ERBB4: variants seen among roughly 807,000 people sequenced by gnomAD.
ERBB4 encodes erb-b2 receptor tyrosine kinase 4.
A neutral mutation model predicts 158.0 loss-of-function variants in ERBB4; 42 were observed. That is an observed-to-expected ratio of 0.27 (90% confidence interval 0.21 to 0.34). ERBB4 has a LOEUF of 0.34. ERBB4 is among the 10% of genes least tolerant of loss of function. The pLI, the probability that ERBB4 is intolerant of heterozygous loss-of-function variation, is 1.00. For synonymous variants in ERBB4, 583 were observed against 558.7 expected, an observed-to-expected ratio of 1.04 and a Z score of -0.61; for missense variants, 1,333 against 1,624.1, an observed-to-expected ratio of 0.82 and a Z score of 3.08.
chr2:211,878,409 T>A (rs910040664), intron 3 of ERBB4, among the ~76,000 whole-genome samples: 1 of 152,164 alleles, frequency 6.6e-6, no homozygotes, highest in Non-Finnish European at 1.5e-5. Context: ...ATAGTATTCA[T>A]TGAAAAAGTA....
intron 5 of ERBB4, among the ~76,000 whole-genome samples, chr2:211,748,150 T>C (rs897832440): frequency 5.9e-5 from 9 of 151,996 alleles, no homozygotes; most frequent in Non-Finnish European, 1.3e-4. Context: ...AAACCAGTGA[T>C]ATGGAGGAAC....
intron 4 of ERBB4, among the ~76,000 whole-genome samples, chr2:211,771,680 G>C (rs578261591): frequency 2.6e-5 from 4 of 152,252 alleles, no homozygotes; most frequent in African/African-American, 9.6e-5. Context: ...TACCCCTAAA[G>C]AGGCTAAAGT....
intron 4 of ERBB4, among the ~76,000 whole-genome samples, chr2:211,768,167 G>A (rs983432832): frequency 6.6e-6 from 1 of 152,182 alleles, no homozygotes; most frequent in Admixed American, 6.5e-5. Context: ...ACTCTGTAAT[G>A]ATCTCCTTTG....
chr2:212,369,529 A>G (rs1167700432), intron 1 of ERBB4, among the ~76,000 whole-genome samples: 1 of 152,018 alleles, frequency 6.6e-6, no homozygotes, highest in Non-Finnish European at 1.5e-5. Context: ...ATCTCTACTT[A>G]TTCTTTCTTT....
chr2:211,648,232 G>A (rs2070851399), intron 16 of ERBB4, among the ~76,000 whole-genome samples: 2 of 151,482 alleles, frequency 1.3e-5, no homozygotes, highest in East Asian at 1.9e-4. Context: ...CTCAGTTTAT[G>A]ACATCATTCT....
rs184833113 is a variant in ERBB4 at position 212,399,401 on chromosome 2, A to C, written c.82+139048T>G. 5.3e-3 allele frequency among the ~76,000 whole-genome samples: 800 copies of C among 151,920 alleles called. 6 individuals are homozygous for C. Among genetic ancestry groups the C allele is most frequent in the Middle Eastern group, 0.024 (7 of 292 alleles). On this transcript the variant is annotated intron_variant, in intron 1 of 27. Coordinates refer to ENST00000342788, the MANE Select transcript of ERBB4 (RefSeq NM_005235.3). ...CAGTCCAACTGATACAAAAGTATTAAGGGGTTATTTACTTTAACATTTGTT... is the reference window on the plus strand; with the variant it reads ...CAGTCCAACTGATACAAAAGTATTACGGGGTTATTTACTTTAACATTTGTT...
At chr2:212,301,505 A>G (rs1407286918) in intron 1 of ERBB4, among the ~76,000 whole-genome samples, 2 of 151,420 alleles carry the variant, frequency 1.3e-5, no homozygotes, top group African/African-American at 4.8e-5. Context: ...GAAATAGTTT[A>G]TTCAATCAAC....
At chr2:212,532,126 AATACTTCT>A (rs1385720460) in intron 1 of ERBB4, among the ~76,000 whole-genome samples, 1 of 152,210 alleles carries the variant, frequency 6.6e-6, no homozygotes, top group African/African-American at 2.4e-5. Context: ...TGGTTTTTCA[AATACTTCT>A]ATGTGTGCTA....
At chr2:212,083,104 C>A (rs886831438) in intron 2 of ERBB4, among the ~76,000 whole-genome samples, 2 of 151,814 alleles carry the variant, frequency 1.3e-5, no homozygotes, top group Non-Finnish European at 2.9e-5. Flanking sequence ...TAAGAAAAGG[C>A]CCATGAATAA....
intron 12 of ERBB4, among the ~76,000 whole-genome samples, chr2:211,683,306 T>C (rs2072430761): frequency 6.6e-6 from 1 of 152,174 alleles, no homozygotes. Context: ...TGTACTTGTA[T>C]CTTCACACTG....
intron 20 of ERBB4, among the ~76,000 whole-genome samples, chr2:211,455,497 T>A (rs1039637981): frequency 1.3e-5 from 2 of 152,100 alleles, no homozygotes; most frequent in African/African-American, 4.8e-5. Flanking sequence ...CCTTCACCAT[T>A]AGAACAAGGG....
Position 212,123,620 on chromosome 2 carries a change from C to G in ERBB4, c.234+1132G>C, listed in dbSNP as rs565870854. 3.4e-4 allele frequency among the ~76,000 whole-genome samples: 51 copies of G among 152,226 alleles called. 1 individual carries two copies. In the South Asian group the frequency reaches 0.011, roughly 32 times the overall value. On this transcript the variant is annotated intron_variant, in intron 2 of 27. Transcript: ENST00000342788. Reference sequence around the variant, plus strand: ...AAATACCTTCAGTTCATTTGCTTTACTAGTCCAACTATGAGAGTCGTTTTA... The same window carrying G: ...AAATACCTTCAGTTCATTTGCTTTAGTAGTCCAACTATGAGAGTCGTTTTA...
intron 1 of ERBB4, among the ~76,000 whole-genome samples, chr2:212,466,724 C>G (rs569088422): frequency 6.6e-6 from 1 of 152,202 alleles, no homozygotes; most frequent in Admixed American, 6.5e-5. Context: ...TACATTGGTA[C>G]CAGTAGAGTG....
chr2:211,923,115 A>T (rs1160141968), intron 3 of ERBB4, among the ~76,000 whole-genome samples: 1 of 152,160 alleles, frequency 6.6e-6, no homozygotes, highest in Non-Finnish European at 1.5e-5. Context: ...CTGATATAAT[A>T]CTGGGGAACT....
chr2:212,266,886 A>G (rs1231243124), intron 1 of ERBB4, among the ~76,000 whole-genome samples: 6 of 152,078 alleles, frequency 3.9e-5, no homozygotes, highest in Non-Finnish European at 5.9e-5. Flanking sequence ...TCCACATAGT[A>G]TCAGACATTA....
chr2:212,393,757 C>CA (rs2090946574), intron 1 of ERBB4, among the ~76,000 whole-genome samples: 1 of 152,054 alleles, frequency 6.6e-6, no homozygotes, highest in Non-Finnish European at 1.5e-5. Flanking sequence ...GTTGCTGTGG[C>CA]AGATTCTGTT....
intron 2 of ERBB4, among the ~76,000 whole-genome samples, chr2:211,993,185 T>C (rs906055153): frequency 1.3e-5 from 2 of 152,158 alleles, no homozygotes; most frequent in African/African-American, 4.8e-5. Flanking sequence ...AGATAGGATC[T>C]TTAAGGAGGT....
intron 2 of ERBB4, among the ~76,000 whole-genome samples, chr2:212,067,573 A>G (rs1047083612): frequency 6.6e-6 from 1 of 151,998 alleles, no homozygotes; most frequent in African/African-American, 2.4e-5. Context: ...ACTTCAAGGT[A>G]CAAATCTCAT....
At chr2:212,015,299 T>C (rs531557204) in intron 2 of ERBB4, among the ~76,000 whole-genome samples, 53 of 151,424 alleles carry the variant, frequency 3.5e-4, no homozygotes, top group African/African-American at 1.2e-3. Context: ...TAAATAAATC[T>C]TTTCCTTCCT....
Sources: allele counts gnomAD v4.1 joint callset (sites outside exome capture counted in the v4.1 genomes callset), GRCh38; gene constraint gnomAD v4.1.1; transcripts MANE v1.5; gene names NCBI Gene and HGNC (gene_info 2026-07-23, HGNC 2026-07-21).